ZFHX3: variants seen among roughly 807,000 people sequenced by gnomAD.
ZFHX3 encodes the protein zinc finger homeobox protein 3.
A neutral mutation model predicts 279.1 loss-of-function variants in ZFHX3; 42 were observed. The observed-to-expected ratio is 0.15, with a 90% CI of 0.12 to 0.19. The LOEUF (loss-of-function observed/expected upper bound fraction) is 0.19. Among genes scored for constraint, ZFHX3 ranks in the 10% least tolerant of loss-of-function variants. The pLI, the probability that ZFHX3 is intolerant of heterozygous loss-of-function variation, is 1.00. For synonymous variants in ZFHX3, 2,293 were observed against 1,957.8 expected (o/e 1.17, Z -4.52); for missense variants, 4,981 against 4,754.0 (o/e 1.05, Z -1.40).
chr16:73,561,307 G>T (rs2020365248), intron 2 of ZFHX3, among the ~76,000 whole-genome samples: 1 of 152,146 alleles, frequency 6.6e-6, no homozygotes. Context: ...CATTCTGCAT[G>T]AAATATCTGC....
chr16:73,425,155 G>T (rs1004928312), intron 3 of ZFHX3, among the ~76,000 whole-genome samples: 7 of 152,192 alleles, frequency 4.6e-5, no homozygotes, highest in Non-Finnish European at 8.8e-5. Context: ...ATGCTTGGCT[G>T]CAGGAAGCAC....
At chr16:73,013,391 G>T (rs905315613) in intron 1 of ZFHX3, among the ~76,000 whole-genome samples, 4 of 152,140 alleles carry the variant, frequency 2.6e-5, no homozygotes, top group East Asian at 1.9e-4. Flanking sequence ...TGGCTCAAGC[G>T]ATCCTCCCAC....
intron 3 of ZFHX3, among the ~76,000 whole-genome samples, chr16:72,891,943 A>G (rs1485310688): frequency 6.6e-6 from 1 of 152,160 alleles, no homozygotes; most frequent in Non-Finnish European, 1.5e-5. Flanking sequence ...TCCTGCTTGG[A>G]TGTCTCATCC....
intron 2 of ZFHX3, among the ~76,000 whole-genome samples, chr16:73,589,980 C>G (rs2051977452): frequency 6.6e-6 from 1 of 152,002 alleles, no homozygotes; most frequent in South Asian, 2.1e-4. Context: ...GGAATGTACT[C>G]TAAAAAATTC....
intron 5 of ZFHX3, among the ~76,000 whole-genome samples, chr16:73,161,478 A>T (rs1057254326): frequency 2.0e-5 from 3 of 152,096 alleles, no homozygotes; most frequent in African/African-American, 7.2e-5. Context: ...TGTGGAAGGG[A>T]TTATATGTCT....
intron 3 of ZFHX3, among the ~76,000 whole-genome samples, chr16:73,418,361 G>A (rs1053920784): frequency 6.6e-6 from 1 of 152,164 alleles, no homozygotes; most frequent in Non-Finnish European, 1.5e-5. Context: ...AAGCTACCTG[G>A]CCCGATCACC....
chr16:72,840,778 AACTG>A (rs2037326752), intron 4 of ZFHX3, among the ~76,000 whole-genome samples: 1 of 152,258 alleles, frequency 6.6e-6, no homozygotes, highest in South Asian at 2.1e-4. Flanking sequence ...CAGAATGAGG[AACTG>A]ACTGTCAATG....
intron 2 of ZFHX3, among the ~76,000 whole-genome samples, chr16:73,542,391 T>C (rs2020034290): frequency 6.6e-6 from 1 of 152,086 alleles, no homozygotes; most frequent in Non-Finnish European, 1.5e-5. Flanking sequence ...ACGTCCTTAT[T>C]TTTATACAAC....
At chr16:73,174,977 G>A (rs891688167) in intron 5 of ZFHX3, among the ~76,000 whole-genome samples, 2 of 151,664 alleles carry the variant, frequency 1.3e-5, no homozygotes, top group Non-Finnish European at 2.9e-5. Flanking sequence ...GCAGTGAACC[G>A]AGATAGCGCC....
chr16:73,868,163 C>T (rs1169837657), intron 1 of ZFHX3, among the ~76,000 whole-genome samples: 4 of 152,196 alleles, frequency 2.6e-5, no homozygotes, highest in African/African-American at 4.8e-5. Context: ...AGAGCCATAA[C>T]GAATACAGAC....
At chr16:73,124,106 C>T (rs1021961077) in intron 7 of ZFHX3, among the ~76,000 whole-genome samples, 8 of 152,308 alleles carry the variant, frequency 5.3e-5, no homozygotes, top group African/African-American at 1.9e-4. Flanking sequence ...GAAATAACCA[C>T]TTTACAACCT....
chr16:73,684,198 A>G (rs912619400), intron 1 of ZFHX3, among the ~76,000 whole-genome samples: 1 of 152,098 alleles, frequency 6.6e-6, no homozygotes, highest in African/African-American at 2.4e-5. Flanking sequence ...AGAGGCTAAG[A>G]TAAGAGGATC....
intron 5 of ZFHX3, among the ~76,000 whole-genome samples, chr16:73,165,722 C>T (rs1311132345): frequency 3.3e-5 from 5 of 152,106 alleles, no homozygotes; most frequent in Admixed American, 1.3e-4. Context: ...TGTTCCATTA[C>T]GTCTCTTGGG....
chr16:73,133,795 A>T (rs1263366957), intron 6 of ZFHX3, among the ~76,000 whole-genome samples: 1 of 152,138 alleles, frequency 6.6e-6, no homozygotes. Flanking sequence ...CTTTCTTGGG[A>T]CATACCCTGT....
intron 2 of ZFHX3, among the ~76,000 whole-genome samples, chr16:73,490,011 A>G (rs1244270991): frequency 6.6e-6 from 1 of 152,244 alleles, no homozygotes; most frequent in Non-Finnish European, 1.5e-5. Context: ...AAAACATGAG[A>G]TGTGCCATTT....
At position 73,144,481 on chromosome 16, in the gene ZFHX3, G is replaced by A. The variant is rs1220352963; in HGVS notation, c.-1103-650C>T. ...CCCCAGCTCCCGAAGGGTTAAGCCA[G>A]GGAAGGAAAAGCCATCAGGCTGTTT... On this transcript the variant is annotated intron_variant, in intron 5 of 17. Coordinates refer to the ZFHX3 transcript ENST00000641206. 1.3e-5 allele frequency: 2 copies of A among 152,210 alleles called. 1 individual carries two copies. Among genetic ancestry groups the A allele is most frequent in the Middle Eastern group, 6.3e-3 (2 of 316 alleles). 9.4% of individuals were successfully genotyped at this position (152,210 alleles called of 1,614,324 possible). A position where few individuals can be genotyped will look rare whatever the true frequency, so the allele number is the denominator to read the frequency against.
chr16:73,316,558 G>A (rs988329443), intron 4 of ZFHX3, among the ~76,000 whole-genome samples: 1 of 152,034 alleles, frequency 6.6e-6, no homozygotes, highest in Non-Finnish European at 1.5e-5. Flanking sequence ...CTTTTCCAAC[G>A]GTTTCATGTA....
At chr16:73,058,714 C>G (rs1022980635) in exon 1 of ZFHX3, 1 of 162,612 alleles carries the variant, frequency 6.1e-6, no homozygotes, top group African/African-American at 2.6e-5. Context: ...GCGGCGGCGG[C>G]GGCGGCGGCG....
intron 7 of ZFHX3, among the ~76,000 whole-genome samples, chr16:73,120,022 T>C (rs1006593111): frequency 6.6e-6 from 1 of 152,196 alleles, no homozygotes; most frequent in Non-Finnish European, 1.5e-5. Flanking sequence ...CAGTGGGTTT[T>C]AGTGGTTCCA....
Sources: allele counts gnomAD v4.1 joint callset (sites outside exome capture counted in the v4.1 genomes callset), GRCh38; gene constraint gnomAD v4.1.1; transcripts MANE v1.5; gene names NCBI Gene and HGNC (gene_info 2026-07-23, HGNC 2026-07-21).